TM2D1: variants seen among roughly 807,000 people sequenced by gnomAD.
TM2D1 encodes TM2 domain containing 1, also known as TM2 domain-containing protein 1.
Under a neutral mutation model 28.4 loss-of-function variants are expected in TM2D1, and 15 were observed. That is an observed-to-expected ratio of 0.53 (90% CI 0.35 to 0.81). The LOEUF is 0.81. TM2D1 is among the 40% of genes least tolerant of loss of function. The probability of loss-of-function intolerance (pLI) is 0.01; values close to 1 mark genes in which losing one functional copy is unlikely to be tolerated. For missense variants in TM2D1, 236 were observed against 254.9 expected (o/e 0.93, Z 0.50); for synonymous variants, 93 against 96.2 (o/e 0.97, Z 0.20).
intron 4 of TM2D1, chr1:61,700,015 G>T: frequency 1.0e-6 from 1 of 994,222 alleles, no homozygotes; most frequent in Non-Finnish European, 1.3e-6. Flanking sequence ...AGTAGGCAGA[G>T]CATTCAAAAA....
intron 3 of TM2D1, among the ~76,000 whole-genome samples, chr1:61,701,950 G>C (rs954048516): frequency 1.3e-5 from 2 of 152,152 alleles, no homozygotes; most frequent in African/African-American, 2.4e-5. Context: ...TAGCACTTTG[G>C]GAGGCCGAGG....
rs1415833809 is a variant in TM2D1, at chr1:61,709,371, C to G, written c.305G>C (p.Gly102Ala). Residue 102 changes from glycine (G) to alanine (A), a missense_variant, in exon 3 of 7, where the codon GGG (glycine) becomes GCG (alanine). By Grantham distance (60) the Gly-to-Ala change is moderately conservative. Around this residue, in one of 3 missense-constraint regions of TM2D1, gnomAD observed 167 missense variants for 162.7 expected, o/e 1.03. Transcript: ENST00000606498. ...DSSGNETHFT[G>A]NEVGFFKPIS... ...GGGCTTGAAAAAACCAACTTCGTTC[C>G]CAGTAAAATGTGTTTCATTGCCACT... 1.9e-6 allele frequency: 3 copies of G among 1,600,298 alleles called. No individual in the cohort carries two copies. Among genetic ancestry groups the G allele is most frequent in the Non-Finnish European group, 2.6e-6 (3 of 1,171,000 alleles).
rs1224696407 is a variant in TM2D1 at position 61,689,547 on chromosome 1, A to AT, written c.513+5149dup. On this transcript the variant is annotated intron_variant, in intron 5 of 6. Transcript: ENST00000606498. ...ACCACACCTGGCAAATTTTTTAAAA[A>AT]TTTTTTGTAGATAAGGAGTTTCACT... is the stretch of plus-strand genomic sequence containing the variant. Among the ~76,000 whole-genome samples, 4 of 152,026 alleles carry AT rather than the reference A, an allele frequency of 2.6e-5. No homozygotes were observed. The South Asian group carries it at 6.2e-4, about 24-fold the overall frequency.
In TM2D1 at chr1:61,725,112, G is replaced by A; in HGVS notation, c.9C>T (p.Ala3=). MA[A]AWPSGPSAPE... ...GAGCAGACGGACCAGACGGCCAGGC[G>A]GCCGCCATCTTGGAGACCGACACTT... Residue 3 remains alanine, a synonymous_variant, in exon 1 of 7, where the codon GCC becomes GCT. Transcript: ENST00000606498. The A allele has an allele frequency of 1.2e-6, 2 of 1,613,530 alleles. No individual in the cohort carries two copies. Among genetic ancestry groups the A allele is most frequent in the Non-Finnish European group, 1.7e-6 (2 of 1,179,864 alleles).
chr1:61,702,304 T>C (rs988589197), intron 3 of TM2D1, among the ~76,000 whole-genome samples: 2 of 151,490 alleles, frequency 1.3e-5, no homozygotes, highest in African/African-American at 2.4e-5. Flanking sequence ...AAGAAACAAA[T>C]GCAATTTTAG....
rs74724340 is a variant in TM2D1 at position 61,707,763 on chromosome 1, A to G, written c.347+1566T>C. Among the ~76,000 whole-genome samples the G allele has an allele frequency of 0.013, 1,957 of 152,318 alleles. 66 individuals are homozygous for G. The South Asian group carries it at 0.15, about 12-fold the overall frequency. ...GGGTCAAAAGAAAAGAAAGAACGCTAAGAGTTCTTGCTAAGAATTCCAACA... is the reference window on the plus strand; with the variant it reads ...GGGTCAAAAGAAAAGAAAGAACGCTGAGAGTTCTTGCTAAGAATTCCAACA... On this transcript the variant is annotated intron_variant, in intron 3 of 6. Transcript: ENST00000606498.
chr1:61,705,329 G>A (rs1644432906), intron 3 of TM2D1, among the ~76,000 whole-genome samples: 1 of 151,996 alleles, frequency 6.6e-6, no homozygotes, highest in Non-Finnish European at 1.5e-5. Context: ...GGGATTACAG[G>A]CACGCACCAC....
chr1:61,697,035 T>A (rs577749205), intron 4 of TM2D1, among the ~76,000 whole-genome samples: 2 of 152,330 alleles, frequency 1.3e-5, no homozygotes, highest in Non-Finnish European at 2.9e-5. Flanking sequence ...TTATCAAATG[T>A]ATCTTATCTC....
intron 2 of TM2D1, among the ~76,000 whole-genome samples, chr1:61,713,488 CAA>C (rs369601221): frequency 4.0e-3 from 370 of 91,392 alleles, no homozygotes; most frequent in Non-Finnish European, 5.7e-3. Flanking sequence ...AACTCAAAAA[CAA>C]AAAAAAAAAA....
intron 1 of TM2D1, 24 bp downstream of exon 1, chr1:61,724,933 G>A (rs765354303): frequency 6.4e-7 from 1 of 1,566,104 alleles, no homozygotes; most frequent in Non-Finnish European, 8.7e-7. Flanking sequence ...GCCTCCATGG[G>A]GGGGTGTTCT....
rs370872728 is a variant in TM2D1, at chr1:61,696,506, T to A, written c.440-1736A>T. On this transcript the variant is annotated intron_variant, in intron 4 of 6. Coordinates refer to ENST00000606498, the MANE Select transcript of TM2D1 (RefSeq NM_032027.3). The stretch of plus-strand genomic sequence containing the variant: ...GTGAGCTGAGACTGTGCCACTGGAC[T>A]CCAGCCGGGGCAACAAAGCCGGGGC... 1.0e-4 allele frequency among the ~76,000 whole-genome samples: 15 copies of A among 142,878 alleles called. No homozygotes were observed. In the South Asian group the frequency reaches 2.0e-3, roughly 19 times the overall value. The allele number at this position is 142,878 out of a possible 152,430, so 93.7% of individuals were successfully genotyped here.
intron 5 of TM2D1, among the ~76,000 whole-genome samples, chr1:61,688,308 C>T (rs1214760757): frequency 6.6e-6 from 1 of 152,160 alleles, no homozygotes. Context: ...ATTAAGGTCA[C>T]ATGACAGAGT....
chr1:61,721,788 G>C (rs534378089), intron 2 of TM2D1, among the ~76,000 whole-genome samples: 1 of 151,706 alleles, frequency 6.6e-6, no homozygotes, highest in Non-Finnish European at 1.5e-5. Context: ...ATTCACCATA[G>C]TTAGTCCATG....
chr1:61,716,533 G>A (rs1486172283), intron 2 of TM2D1, among the ~76,000 whole-genome samples: 1 of 138,734 alleles, frequency 7.2e-6, no homozygotes, highest in Non-Finnish European at 1.5e-5. Context: ...AATTATATAT[G>A]TGTATAATTT....
chr1:61,720,541 C>T (rs1353468647), intron 2 of TM2D1, among the ~76,000 whole-genome samples: 1 of 152,232 alleles, frequency 6.6e-6, no homozygotes, highest in East Asian at 1.9e-4. Flanking sequence ...CTCACCCGGG[C>T]TGACAGAACA....
intron 5 of TM2D1, among the ~76,000 whole-genome samples, chr1:61,689,092 G>T (rs967992509): frequency 1.3e-5 from 2 of 152,176 alleles, no homozygotes; most frequent in African/African-American, 4.8e-5. Context: ...CCTACATCTA[G>T]CAAACTATCA....
intron 5 of TM2D1, among the ~76,000 whole-genome samples, chr1:61,690,135 T>C (rs1644313000): frequency 6.6e-6 from 1 of 152,118 alleles, no homozygotes; most frequent in Admixed American, 6.5e-5. Context: ...TCCAGAACTA[T>C]AAGAAGTAAT....
At position 61,683,410 on chromosome 1, in the gene TM2D1, CACTT is replaced by C. The variant is rs745861442; in HGVS notation, c.*19+3_*19+6del. On this transcript the variant is annotated splice_donor_5th_base_variant and intron_variant, in intron 6 of 6. Coordinates refer to ENST00000606498, the MANE Select transcript of TM2D1 (RefSeq NM_032027.3). ...TAAGATATTACATATATATATATAT[CACTT>C]ACTGTTTCTTTTAAAAAATATTTAT... The C allele has an allele frequency of 5.8e-6, 5 of 861,440 alleles. No homozygotes were observed. Among genetic ancestry groups the C allele is most frequent in the Non-Finnish European group, 8.8e-6 (5 of 570,310 alleles). The allele number at this position is 861,440 out of a possible 1,614,324, so 53.4% of individuals were successfully genotyped here. A position where few individuals can be genotyped will look rare whatever the true frequency, so the allele number is the denominator to read the frequency against.
chr1:61,696,730 T>C (rs548863641), intron 4 of TM2D1, among the ~76,000 whole-genome samples: 23 of 152,216 alleles, frequency 1.5e-4, no homozygotes, highest in African/African-American at 5.3e-4. Context: ...TTCCCTAACC[T>C]GCCTGTCTGA....
Sources: allele counts gnomAD v4.1 joint callset (sites outside exome capture counted in the v4.1 genomes callset), GRCh38; gene constraint gnomAD v4.1.1; regional missense constraint gnomAD v4.1.1; transcripts MANE v1.5; gene names NCBI Gene and HGNC (gene_info 2026-07-23, HGNC 2026-07-21).